GRID2: variants seen among roughly 807,000 people sequenced by gnomAD.
GRID2 encodes glutamate ionotropic receptor delta type subunit 2, also known as glutamate receptor ionotropic, delta-2.
GRID2 carries 33 observed loss-of-function variants against 114.8 expected under a neutral mutation model. The ratio of observed to expected loss-of-function variants is 0.29; its 90% CI spans 0.22 to 0.38. The LOEUF (loss-of-function observed/expected upper bound fraction) is 0.38, where lower values mean the gene tolerates loss of function less well. GRID2 is among the 10% of genes least tolerant of loss of function. GRID2 has a pLI of 1.00. For missense variants in GRID2, 1,184 were observed against 1,257.7 expected, an observed-to-expected ratio of 0.94 and a Z score of 0.89; for synonymous variants, 505 against 449.9, an observed-to-expected ratio of 1.12 and a Z score of -1.55.
chr4:93,154,494 C>T (rs1736997271), intron 4 of GRID2, among the ~76,000 whole-genome samples: 1 of 151,934 alleles, frequency 6.6e-6, no homozygotes, highest in African/African-American at 2.4e-5. Flanking sequence ...AATACCACTC[C>T]CGGATAGCTT....
At chr4:92,893,903 G>A (rs1024447288) in intron 2 of GRID2, among the ~76,000 whole-genome samples, 2 of 152,098 alleles carry the variant, frequency 1.3e-5, no homozygotes, top group African/African-American at 4.8e-5. Context: ...ATAAGTAAAG[G>A]ATGATGGTAT....
intron 2 of GRID2, among the ~76,000 whole-genome samples, chr4:92,890,404 T>G (rs190676814): frequency 5.9e-5 from 9 of 152,202 alleles, no homozygotes; most frequent in Non-Finnish European, 1.5e-5. Context: ...TACAAGGAAC[T>G]TAAACAAATT....
chr4:93,341,644 G>A (rs915242540), intron 8 of GRID2, among the ~76,000 whole-genome samples: 5 of 152,060 alleles, frequency 3.3e-5, no homozygotes, highest in African/African-American at 1.2e-4. Context: ...GTTTTTATGT[G>A]TACATCTTCT....
At position 92,903,916 on chromosome 4, in the gene GRID2, A is replaced by G. The variant is rs1054069007; in HGVS notation, c.245-181079A>G. 4.6e-5 allele frequency among the ~76,000 whole-genome samples: 7 copies of G among 152,070 alleles called. No individual in the cohort carries two copies. The South Asian group carries it at 8.3e-4, about 18-fold the overall frequency. Reference sequence around the variant, plus strand: ...ATGGGAGGGTGTTGGAGAGAGATCTATCATAGAGGGAAGTATCTATGCTTA... The same window carrying G: ...ATGGGAGGGTGTTGGAGAGAGATCTGTCATAGAGGGAAGTATCTATGCTTA... On this transcript the variant is annotated intron_variant, in intron 2 of 15. Transcript: ENST00000282020.
chr4:92,663,046 G>A (rs1302292439), intron 2 of GRID2, among the ~76,000 whole-genome samples: 1 of 150,900 alleles, frequency 6.6e-6, no homozygotes, highest in Non-Finnish European at 1.5e-5. Flanking sequence ...CACTGAGATT[G>A]ATTATCATCA....
At chr4:93,083,339 T>C (rs1041090315) in intron 2 of GRID2, among the ~76,000 whole-genome samples, 1 of 152,158 alleles carries the variant, frequency 6.6e-6, no homozygotes. Context: ...ATTGAATTCA[T>C]GAACATGACT....
At chr4:93,480,296 A>G (rs1200645033) in intron 11 of GRID2, among the ~76,000 whole-genome samples, 1 of 152,012 alleles carries the variant, frequency 6.6e-6, no homozygotes, top group Non-Finnish European at 1.5e-5. Context: ...ATATCAAAAA[A>G]TGCTACCTTG....
intron 4 of GRID2, among the ~76,000 whole-genome samples, chr4:93,159,325 C>G (rs1426966101): frequency 6.6e-6 from 1 of 151,902 alleles, no homozygotes; most frequent in East Asian, 1.9e-4. Flanking sequence ...GGATCCAGGA[C>G]TATCTGTAGA....
chr4:92,724,063 G>A (rs915390378), intron 2 of GRID2, among the ~76,000 whole-genome samples: 1 of 151,892 alleles, frequency 6.6e-6, no homozygotes, highest in Non-Finnish European at 1.5e-5. Flanking sequence ...TATACAGGAG[G>A]GTTTATCAAT....
intron 1 of GRID2, among the ~76,000 whole-genome samples, chr4:92,588,042 T>TA (rs1359633090): frequency 4.6e-5 from 7 of 152,144 alleles, no homozygotes. Flanking sequence ...GCTTCAATTG[T>TA]AAAAAATTTG....
chr4:93,533,955 A>G (rs982909205), intron 13 of GRID2, among the ~76,000 whole-genome samples: 6 of 152,088 alleles, frequency 3.9e-5, no homozygotes, highest in Non-Finnish European at 8.8e-5. Context: ...AATATGATCT[A>G]TGTTCACCCA....
At chr4:93,468,094 CCT>C (rs1338514077) in intron 11 of GRID2, among the ~76,000 whole-genome samples, 1 of 152,122 alleles carries the variant, frequency 6.6e-6, no homozygotes, top group Non-Finnish European at 1.5e-5. Context: ...TGTCTGAATT[CCT>C]CTGTGATACA....
chr4:93,674,112 C>T (rs1172380703), intron 14 of GRID2, among the ~76,000 whole-genome samples: 2 of 152,140 alleles, frequency 1.3e-5, no homozygotes, highest in Non-Finnish European at 2.9e-5. Flanking sequence ...TGCAAGTGCC[C>T]TCTGGCTACA....
intron 2 of GRID2, among the ~76,000 whole-genome samples, chr4:92,756,631 C>T (rs1253936820): frequency 6.6e-6 from 1 of 152,042 alleles, no homozygotes; most frequent in Non-Finnish European, 1.5e-5. Flanking sequence ...AAAAGTCATT[C>T]TAAGTGGGGT....
At chr4:92,389,536 C>T (rs1173750061) in intron 1 of GRID2, among the ~76,000 whole-genome samples, 4 of 152,022 alleles carry the variant, frequency 2.6e-5, no homozygotes, top group South Asian at 2.1e-4. Context: ...GAGTCTACTT[C>T]CATTTTAGTA....
At chr4:92,343,781 C>T (rs1039968116) in intron 1 of GRID2, among the ~76,000 whole-genome samples, 9 of 152,134 alleles carry the variant, frequency 5.9e-5, no homozygotes, top group African/African-American at 2.2e-4. Context: ...ACCATGTTGG[C>T]CAGTCTGGTC....
chr4:93,426,825 T>C (rs559397003), intron 10 of GRID2, among the ~76,000 whole-genome samples: 183 of 152,168 alleles, frequency 1.2e-3, no homozygotes, highest in African/African-American at 4.3e-3. Context: ...AGCAGACATA[T>C]GATTTTTAGA....
intron 2 of GRID2, among the ~76,000 whole-genome samples, chr4:92,936,901 A>C (rs1008971883): frequency 1.4e-5 from 2 of 146,778 alleles, no homozygotes; most frequent in Non-Finnish European, 3.0e-5. Flanking sequence ...ATGAAGTGAT[A>C]TGTTCTTTTA....
At chr4:92,957,398 T>C (rs6821597) in intron 2 of GRID2, among the ~76,000 whole-genome samples, 1 of 151,936 alleles carries the variant, frequency 6.6e-6, no homozygotes, top group Non-Finnish European at 1.5e-5. Context: ...AGCACTGTTT[T>C]TTGAAAAAAT....
Sources: gnomAD v4.1 joint callset for allele counts (sites outside exome capture counted in the v4.1 genomes callset) on GRCh38, gnomAD v4.1.1 for gene constraint, MANE v1.5 for transcripts, NCBI Gene and HGNC (gene_info 2026-07-23, HGNC 2026-07-21) for gene names.